Variants in PCSK5 observed in about 807,000 individuals in gnomAD.
PCSK5 encodes proprotein convertase subtilisin/kexin type 5.
A neutral mutation model predicts 233.2 loss-of-function variants in PCSK5; 129 were observed. That is an observed-to-expected ratio of 0.55 (90% CI 0.48 to 0.64). PCSK5 has a LOEUF of 0.64. PCSK5 is among the 30% of genes least tolerant of loss of function. The pLI, the probability that PCSK5 is intolerant of heterozygous loss-of-function variation, is 0.00. For synonymous variants in PCSK5, 825 were observed against 879.2 expected (o/e 0.94, Z 1.09); for missense variants, 2,076 against 2,430.1 (o/e 0.85, Z 3.06).
intron 1 of PCSK5, among the ~76,000 whole-genome samples, chr9:75,919,594 G>T (rs887054212): frequency 2.0e-5 from 3 of 152,132 alleles, no homozygotes; most frequent in African/African-American, 7.2e-5. Context: ...AGCATCATTT[G>T]ATATTGCCAT....
At chr9:76,240,036 T>C (rs1826381240) in intron 23 of PCSK5, among the ~76,000 whole-genome samples, 1 of 152,176 alleles carries the variant, frequency 6.6e-6, no homozygotes, top group Non-Finnish European at 1.5e-5. Context: ...TCTTATCTTT[T>C]ATGGGAAGAA....
At chr9:76,075,491 T>C (rs1483713756) in intron 7 of PCSK5, among the ~76,000 whole-genome samples, 1 of 152,118 alleles carries the variant, frequency 6.6e-6, no homozygotes, top group Non-Finnish European at 1.5e-5. Context: ...TTTTAAGCAG[T>C]ATATTTCTCT....
chr9:76,148,324 A>T (rs1823531566), intron 10 of PCSK5, among the ~76,000 whole-genome samples: 1 of 139,466 alleles, frequency 7.2e-6, no homozygotes, highest in African/African-American at 2.7e-5. Flanking sequence ...TTAGAGAGGG[A>T]GAGAGAGAGG....
rs538982255 is a variant in PCSK5 at position 76,064,452 on chromosome 9, G to A, written c.633-3503G>A. 3.9e-3 allele frequency among the ~76,000 whole-genome samples: 541 copies of A among 138,070 alleles called. 3 individuals are homozygous for A. The highest frequency in any genetic ancestry group is 0.014 in the African/African-American group (507 of 35,820). The allele number at this position is 138,070 out of a possible 152,430, so 90.6% of individuals were successfully genotyped here. ...TCCCGGATGGCACGGCTGGCCGGGC[G>A]GGGGGGCTGACCCCCCACCTCCCTC... is the stretch of plus-strand genomic sequence containing the variant. On this transcript the variant is annotated intron_variant, in intron 5 of 37. Coordinates refer to ENST00000674117, the MANE Select transcript of PCSK5 (RefSeq NM_001372043.1).
rs1287163635 is a variant in PCSK5 at position 76,064,264 on chromosome 9, G to T, written c.633-3691G>T. On this transcript the variant is annotated intron_variant, in intron 5 of 37. Coordinates refer to ENST00000674117, the MANE Select transcript of PCSK5 (RefSeq NM_001372043.1). The stretch of plus-strand genomic sequence containing the variant: ...CCCCCATCTCCCTCCTGGACGGGGT[G>T]GCTGGCCGGGCTAAGGGGCTCCTCA... Among the ~76,000 whole-genome samples the T allele has an allele frequency of 4.0e-5, 4 of 99,052 alleles. No homozygotes were observed. The East Asian group carries it at 1.2e-3, about 30-fold the overall frequency. The allele number at this position is 99,052 out of a possible 152,430, so 65.0% of individuals were successfully genotyped here.
rs1021866446 is a variant in PCSK5, at chr9:76,233,468, A to T, written c.2738A>T (p.Asp913Val). The T allele has an allele frequency of 6.2e-7, 1 of 1,612,682 alleles. No individual in the cohort carries two copies. Among genetic ancestry groups the T allele is most frequent in the Non-Finnish European group, 8.5e-7 (1 of 1,179,806 alleles). The change falls in exon 22 of 38, where the codon GAT becomes GTT. Residue 913 changes from aspartate (D) to valine (V), a missense_variant. This residue lies in a region of PCSK5 where 1,510 missense variants were observed against 1,538.1 expected (regional missense o/e 0.98). Coordinates refer to ENST00000674117, the MANE Select transcript of PCSK5 (RefSeq NM_001372043.1). ...CTTCPMTRIF[D>V]DGRCVSNCPS... ...GTCTGCTTTTCCTCTAGGATTTTTG[A>T]TGATGGCCGCTGTGTTTCGAACTGC... is the stretch of plus-strand genomic sequence containing the variant.
chr9:75,976,314 ACACACACAC>A (rs1189640234), intron 2 of PCSK5, among the ~76,000 whole-genome samples: 3 of 111,400 alleles, frequency 2.7e-5, no homozygotes, highest in African/African-American at 9.0e-5. Context: ...ACACACACAC[ACACACACAC>A]CTTTTTCTCT....
At chr9:75,924,487 A>G (rs1157817891) in intron 1 of PCSK5, among the ~76,000 whole-genome samples, 1 of 152,122 alleles carries the variant, frequency 6.6e-6, no homozygotes, top group Admixed American at 6.6e-5. Context: ...CCTGGCTTGG[A>G]CACTTTGAGG....
chr9:76,118,943 T>C (rs768225423), intron 9 of PCSK5, among the ~76,000 whole-genome samples: 1 of 152,090 alleles, frequency 6.6e-6, no homozygotes, highest in Non-Finnish European at 1.5e-5. Flanking sequence ...TCAGATCATG[T>C]TGTTCATTTT....
At chr9:76,264,948 C>A (rs1221865679) in intron 24 of PCSK5, among the ~76,000 whole-genome samples, 1 of 152,088 alleles carries the variant, frequency 6.6e-6, no homozygotes, top group Non-Finnish European at 1.5e-5. Context: ...CAAAAAGACA[C>A]CTGCACTCAC....
chr9:76,228,361 T>G (rs1460786848), intron 21 of PCSK5, among the ~76,000 whole-genome samples: 1 of 152,232 alleles, frequency 6.6e-6, no homozygotes, highest in Admixed American at 6.5e-5. Context: ...TTAACCATTT[T>G]TATGTCCCTT....
chr9:76,262,195 T>G (rs566879704), intron 24 of PCSK5, among the ~76,000 whole-genome samples: 2 of 152,230 alleles, frequency 1.3e-5, no homozygotes, highest in East Asian at 1.9e-4. Context: ...AAAATGGCCA[T>G]ACTGCCCAAG....
At chr9:76,137,952 T>A (rs1823048641) in intron 10 of PCSK5, among the ~76,000 whole-genome samples, 1 of 152,150 alleles carries the variant, frequency 6.6e-6, no homozygotes, top group African/African-American at 2.4e-5. Flanking sequence ...CTATTCTTTT[T>A]AATTCTCCCT....
At chr9:76,170,109 A>G (rs368616719) in intron 13 of PCSK5, among the ~76,000 whole-genome samples, 3 of 152,348 alleles carry the variant, frequency 2.0e-5, no homozygotes, top group Middle Eastern at 3.4e-3. Context: ...CCACATCTCT[A>G]ACCAGCTTCC....
intron 20 of PCSK5, among the ~76,000 whole-genome samples, chr9:76,217,454 T>C (rs1261741380): frequency 6.6e-6 from 1 of 152,216 alleles, no homozygotes; most frequent in Non-Finnish European, 1.5e-5. Flanking sequence ...TTTCATGTGT[T>C]AACTAATTTA....
intron 2 of PCSK5, among the ~76,000 whole-genome samples, chr9:75,956,733 G>A (rs1825110500): frequency 6.6e-6 from 1 of 151,846 alleles, no homozygotes; most frequent in South Asian, 2.1e-4. Flanking sequence ...TTGGAACTTG[G>A]ACAAGATTGC....
intron 2 of PCSK5, among the ~76,000 whole-genome samples, chr9:75,941,789 C>T (rs145297118): frequency 1.4e-4 from 22 of 152,192 alleles, no homozygotes; most frequent in African/African-American, 4.6e-4. Flanking sequence ...ATGTGGGTGC[C>T]GGGTCCACTG....
chr9:76,054,532 G>A (rs1829752065), intron 5 of PCSK5, among the ~76,000 whole-genome samples: 1 of 152,212 alleles, frequency 6.6e-6, no homozygotes, highest in South Asian at 2.1e-4. Context: ...TTCTAAAGCA[G>A]TAGATTGACC....
intron 2 of PCSK5, among the ~76,000 whole-genome samples, chr9:75,942,882 C>T (rs369626422): frequency 1.8e-5 from 2 of 112,950 alleles, no homozygotes; most frequent in Non-Finnish European, 1.8e-5. Context: ...TTTTCTTCTT[C>T]TTCTTTTTTT....
Sources: gnomAD v4.1 joint callset for allele counts (sites outside exome capture counted in the v4.1 genomes callset) on GRCh38, gnomAD v4.1.1 for gene constraint, gnomAD v4.1.1 regional missense constraint, MANE v1.5 for transcripts, NCBI Gene and HGNC (gene_info 2026-07-23, HGNC 2026-07-21) for gene names.